Variants in GALNT7 observed in about 807,000 individuals in gnomAD.
The protein encoded by GALNT7 is polypeptide N-acetylgalactosaminyltransferase 7, also known as N-acetylgalactosaminyltransferase 7.
GALNT7 carries 60 observed loss-of-function variants against 82.1 expected under a neutral mutation model. The observed-to-expected ratio is 0.73, with a 90% CI of 0.59 to 0.91. GALNT7 has a LOEUF of 0.91. GALNT7 is among the 40% of genes least tolerant of loss of function. The probability of loss-of-function intolerance (pLI) is 0.00; values close to 1 mark genes in which losing one functional copy is unlikely to be tolerated. For missense variants in GALNT7, 660 were observed against 804.2 expected (o/e 0.82, Z 2.17); for synonymous variants, 243 against 275.1 (o/e 0.88, Z 1.15).
chr4:173,305,793 T>C (rs1189319552), intron 8 of GALNT7, among the ~76,000 whole-genome samples: 1 of 152,240 alleles, frequency 6.6e-6, no homozygotes, highest in Non-Finnish European at 1.5e-5. Flanking sequence ...TTTTGATTAC[T>C]ATAGCTTAGT....
intron 2 of GALNT7, among the ~76,000 whole-genome samples, chr4:173,278,522 G>C (rs1030251901): frequency 6.6e-6 from 1 of 152,092 alleles, no homozygotes; most frequent in African/African-American, 2.4e-5. Flanking sequence ...AAACCAAAGA[G>C]GGCAGAACCT....
At chr4:173,170,361 T>C (rs1731820165) in intron 1 of GALNT7, among the ~76,000 whole-genome samples, 1 of 152,240 alleles carries the variant, frequency 6.6e-6, no homozygotes, top group Non-Finnish European at 1.5e-5. Context: ...AAAGTTAGCA[T>C]CAAGAAGTTG....
At chr4:173,183,275 G>A (rs1030592061) in intron 1 of GALNT7, among the ~76,000 whole-genome samples, 3 of 150,710 alleles carry the variant, frequency 2.0e-5, no homozygotes, top group Non-Finnish European at 2.9e-5. Flanking sequence ...CCTCTCACAC[G>A]CTGCACTTTT....
chr4:173,247,374 C>T (rs974827389), intron 1 of GALNT7, among the ~76,000 whole-genome samples: 7 of 150,308 alleles, frequency 4.7e-5, no homozygotes, highest in Non-Finnish European at 8.9e-5. Context: ...TTTAAAAGCC[C>T]GAGCTGACTT....
chr4:173,278,796 T>A (rs572128058), intron 2 of GALNT7, among the ~76,000 whole-genome samples: 1 of 152,342 alleles, frequency 6.6e-6, no homozygotes, highest in Non-Finnish European at 1.5e-5. Context: ...CCAGTCCACA[T>A]CTGAATTATT....
At chr4:173,186,276 G>A (rs1157006187) in intron 1 of GALNT7, among the ~76,000 whole-genome samples, 1 of 152,202 alleles carries the variant, frequency 6.6e-6, no homozygotes, top group Non-Finnish European at 1.5e-5. Flanking sequence ...GGTGGCAGCT[G>A]GCGGATTAAA....
intron 6 of GALNT7, among the ~76,000 whole-genome samples, 165 bp from the exon 7 acceptor site, chr4:173,301,882 A>T (rs1736953315): frequency 6.6e-6 from 1 of 151,956 alleles, no homozygotes; most frequent in Non-Finnish European, 1.5e-5. Flanking sequence ...TTATGAACAG[A>T]TTTTTTTCTT....
chr4:173,320,883 C>A lies in GALNT7; in HGVS notation c.1837-697C>A, dbSNP rs571502101. 6.6e-6 allele frequency among the ~76,000 whole-genome samples: 1 copy of A among 152,256 alleles called. No homozygotes were observed. The highest frequency in any genetic ancestry group is 1.9e-4 in the East Asian group (1 of 5,184). ...TTAAGTGAAACCGGCATTTACTTTT[C>A]AACTGTGTGTGGCCATGAGCAATAC... On this transcript the variant is annotated intron_variant, in intron 11 of 11. Coordinates refer to ENST00000265000, the MANE Select transcript of GALNT7 (RefSeq NM_017423.3). The surrounding 1 kb of genome is among the most constrained non-coding windows in gnomAD (Gnocchi z 4.1).
Position 173,201,676 on chromosome 4 carries a change from G to C in GALNT7, c.126+32715G>C, listed in dbSNP as rs558423751. ...AGCAGATGAGCAACAGGTGATATCA[G>C]AGAGGACCTCTTAGAAAAAGCACCT... On this transcript the variant is annotated intron_variant, in intron 1 of 11. Transcript: ENST00000265000. 3.9e-5 allele frequency among the ~76,000 whole-genome samples: 6 copies of C among 152,300 alleles called. 1 individual carries two copies. The South Asian group carries it at 1.2e-3, about 32-fold the overall frequency.
intron 2 of GALNT7, among the ~76,000 whole-genome samples, chr4:173,259,957 T>C (rs1035155483): frequency 3.3e-5 from 5 of 152,142 alleles, no homozygotes; most frequent in African/African-American, 1.2e-4. Flanking sequence ...TATTTTTAAT[T>C]AGAAGAATTG....
intron 1 of GALNT7, among the ~76,000 whole-genome samples, chr4:173,185,776 G>A (rs1184574292): frequency 6.6e-6 from 1 of 152,120 alleles, no homozygotes; most frequent in African/African-American, 2.4e-5. Flanking sequence ...CAGTTTGTAT[G>A]AACCGTGTGC....
chr4:173,295,764 GT>G lies in GALNT7; in HGVS notation c.890del (p.Leu297Ter). 1 of 1,597,326 alleles carries G rather than the reference GT, an allele frequency of 6.3e-7. No individual in the cohort carries two copies. Among genetic ancestry groups the G allele is most frequent in the Non-Finnish European group, 8.6e-7 (1 of 1,165,242 alleles). ...IGAQKAKLGQ[V>X]LIYLDAHCEV... ...CTTTCACCTGCCTCTTTTTTTTAAG[GT>G]TTTGATATACCTTGATGCCCACTGT... On this transcript the variant is annotated frameshift_variant and splice_region_variant, in exon 5 of 12. Transcript: ENST00000265000. LOFTEE classifies it high-confidence loss of function.
At chr4:173,319,110 A>G (rs1468128610) in intron 11 of GALNT7, among the ~76,000 whole-genome samples, 1 of 152,082 alleles carries the variant, frequency 6.6e-6, no homozygotes, top group African/African-American at 2.4e-5. Flanking sequence ...TATTCACGTG[A>G]CACTGCTGGG....
intron 1 of GALNT7, among the ~76,000 whole-genome samples, chr4:173,196,677 A>G (rs999789642): frequency 2.6e-5 from 4 of 152,096 alleles, no homozygotes; most frequent in African/African-American, 7.2e-5. Context: ...TTCATTAGCT[A>G]TTCTTCCTGA....
chr4:173,173,925 C>T (rs984001410), intron 1 of GALNT7, among the ~76,000 whole-genome samples: 1 of 152,178 alleles, frequency 6.6e-6, no homozygotes, highest in African/African-American at 2.4e-5. Flanking sequence ...TCAAGTTCCA[C>T]CTTACCAAAG....
chr4:173,270,681 G>A (rs567542814), intron 2 of GALNT7, among the ~76,000 whole-genome samples: 25 of 152,302 alleles, frequency 1.6e-4, no homozygotes, highest in African/African-American at 6.0e-4. Context: ...GTAATATTTG[G>A]AACATTATAC....
chr4:173,319,447 A>G (rs547380920), intron 11 of GALNT7, among the ~76,000 whole-genome samples: 31 of 152,282 alleles, frequency 2.0e-4, no homozygotes, highest in African/African-American at 6.7e-4. Flanking sequence ...GCACGTATCA[A>G]TTGATGATTT....
chr4:173,268,300 A>C (rs1035303686), intron 2 of GALNT7: 17 of 152,184 alleles, frequency 1.1e-4, no homozygotes, highest in African/African-American at 4.1e-4. Context: ...ATGGGTTTAC[A>C]TTGAACTCAG....
Position 173,313,982 on chromosome 4 carries a change from T to C in GALNT7, c.1414T>C (p.Trp472Arg), listed in dbSNP as rs1411064463. The C allele has an allele frequency of 6.3e-7, 1 of 1,577,952 alleles. No individual in the cohort carries two copies. Residue 472 changes from tryptophan to arginine, a missense_variant, in exon 9 of 12, where the codon TGG becomes CGG. By Grantham distance (101) the Trp-to-Arg change is moderately radical. Transcript: ENST00000265000. The stretch of plus-strand genomic sequence containing the variant: ...GAATTATGTTAGAGTTGTGGAGGTT[T>C]GGTGGGATGAATATAAAGACTACTT... Reference protein sequence around the residue: ...LKNYVRVVEVWWDEYKDYFYA... With the variant: ...LKNYVRVVEVRWDEYKDYFYA...
Sources: gnomAD v4.1 joint callset for allele counts (sites outside exome capture counted in the v4.1 genomes callset) on GRCh38, gnomAD v4.1.1 for gene constraint, Gnocchi (gnomAD v3.1) non-coding constraint, MANE v1.5 for transcripts, NCBI Gene and HGNC (gene_info 2026-07-23, HGNC 2026-07-21) for gene names.